INPP4B: variants seen among roughly 807,000 people sequenced by gnomAD.
The protein encoded by INPP4B is inositol polyphosphate 4-phosphatase type II.
In INPP4B, 55 loss-of-function variants were observed where a neutral mutation model predicts 122.5. The ratio of observed to expected loss-of-function variants is 0.45; its 90% CI spans 0.36 to 0.56. The LOEUF is 0.56. Among genes scored for constraint, INPP4B ranks in the 20% least tolerant of loss-of-function variants. INPP4B has a pLI of 0.00. For missense variants in INPP4B, 1,000 were observed against 1,097.7 expected, an observed-to-expected ratio of 0.91 and a Z score of 1.26; for synonymous variants, 403 against 388.7, an observed-to-expected ratio of 1.04 and a Z score of -0.43.
intron 2 of INPP4B, among the ~76,000 whole-genome samples, chr4:142,589,333 GA>G (rs1398931464): frequency 1.3e-5 from 2 of 151,966 alleles, no homozygotes; most frequent in Admixed American, 6.6e-5. Flanking sequence ...CTCTGCAAAA[GA>G]CACTATTAAG....
chr4:142,767,622 A>C (rs1772351836), intron 1 of INPP4B: 1 of 152,146 alleles, frequency 6.6e-6, no homozygotes. Context: ...ATAGAACATG[A>C]CAAGATCTTG....
At chr4:142,044,934 C>T (rs1268252300) in intron 25 of INPP4B, among the ~76,000 whole-genome samples, 4 of 152,056 alleles carry the variant, frequency 2.6e-5, no homozygotes, top group Admixed American at 6.6e-5. Flanking sequence ...ATGCAGGGAA[C>T]GTAGGAAAGT....
At chr4:142,052,519 G>A (rs959825535) in intron 25 of INPP4B, among the ~76,000 whole-genome samples, 11 of 151,978 alleles carry the variant, frequency 7.2e-5, no homozygotes, top group African/African-American at 2.4e-5. Flanking sequence ...CAGACATAAA[G>A]CATTTCCAAC....
chr4:142,719,735 A>C (rs559798060), intron 2 of INPP4B, among the ~76,000 whole-genome samples: 3 of 152,190 alleles, frequency 2.0e-5, no homozygotes, highest in Non-Finnish European at 2.9e-5. Flanking sequence ...TCTTATTTCT[A>C]GATGATGTTG....
rs796843742 is a variant in INPP4B at position 142,702,671 on chromosome 4, G to A, written c.-191+23168C>T. ...CTTGAACCTGGGAGGCGGAGGTTGC[G>A]GTGAGCCGAGATCACGCCATTGCAC... On this transcript the variant is annotated intron_variant, in intron 2 of 25. Coordinates refer to ENST00000262992, the MANE Select transcript of INPP4B (RefSeq NM_001101669.3). Among the ~76,000 whole-genome samples the A allele has an allele frequency of 8.8e-5, 13 of 148,256 alleles. No individual in the cohort carries two copies. The South Asian group carries it at 1.1e-3, about 12-fold the overall frequency.
At chr4:142,543,752 A>G (rs1560779483) in intron 2 of INPP4B, among the ~76,000 whole-genome samples, 1 of 152,156 alleles carries the variant, frequency 6.6e-6, no homozygotes, top group East Asian at 1.9e-4. Context: ...CAGAATATAT[A>G]TTGTATATAG....
chr4:142,519,400 C>T (rs1001402448), intron 2 of INPP4B, among the ~76,000 whole-genome samples: 1 of 152,202 alleles, frequency 6.6e-6, no homozygotes, highest in Non-Finnish European at 1.5e-5. Context: ...CATAAGCAGA[C>T]TACTGCTGAT....
At chr4:142,029,060 A>C in intron 25 of INPP4B, 146 bp from the exon 26 acceptor site, 2 of 1,402,798 alleles carry the variant, frequency 1.4e-6, no homozygotes, top group East Asian at 5.2e-5. Flanking sequence ...GTGATGATAC[A>C]TCTTACAAAA....
intron 1 of INPP4B, among the ~76,000 whole-genome samples, chr4:142,730,460 A>G (rs1194190983): frequency 2.6e-5 from 4 of 152,168 alleles, no homozygotes; most frequent in African/African-American, 9.7e-5. Flanking sequence ...TGGAGTGTCT[A>G]ACAGCTGCCA....
At chr4:142,669,477 T>A (rs79633289) in intron 2 of INPP4B, among the ~76,000 whole-genome samples, 1 of 151,880 alleles carries the variant, frequency 6.6e-6, no homozygotes, top group Non-Finnish European at 1.5e-5. Context: ...CAGAGACCAA[T>A]GAAGCAGAAA....
At chr4:142,305,371 A>C (rs1762955906) in intron 9 of INPP4B, 87 bp downstream of exon 9, 4 of 996,248 alleles carry the variant, frequency 4.0e-6, no homozygotes, top group Non-Finnish European at 6.2e-6. Flanking sequence ...AACATCTGCA[A>C]GAATTGTGAC....
In INPP4B at chr4:142,559,344, G is replaced by A. The variant is rs202144327; in HGVS notation, c.-190-96618C>T. Among the ~76,000 whole-genome samples the A allele has an allele frequency of 2.6e-5, 4 of 152,114 alleles. No individual in the cohort carries two copies. The South Asian group carries it at 8.3e-4, about 32-fold the overall frequency. ...ATGCTTTTGTTTATCTTTGTGGCTT[G>A]AGAATTATTCAAATTTAATTCTTAA... On this transcript the variant is annotated intron_variant, in intron 2 of 25. Transcript: ENST00000262992.
chr4:142,300,715 GTTT>G (rs1216509394), intron 9 of INPP4B, among the ~76,000 whole-genome samples: 1 of 151,942 alleles, frequency 6.6e-6, no homozygotes, highest in East Asian at 1.9e-4. Context: ...TAAGTTAAAT[GTTT>G]TTCTTTCATA....
chr4:142,803,551 A>G (rs994033922), intron 1 of INPP4B, among the ~76,000 whole-genome samples: 3 of 151,924 alleles, frequency 2.0e-5, no homozygotes, highest in African/African-American at 7.2e-5. Context: ...TACTACAGAG[A>G]TAGAACCCTA....
chr4:142,479,998 G>A (rs1317628786), intron 2 of INPP4B, among the ~76,000 whole-genome samples: 4 of 152,076 alleles, frequency 2.6e-5, no homozygotes, highest in African/African-American at 7.2e-5. Flanking sequence ...TAATGTACAG[G>A]GAAAGTATTA....
intron 7 of INPP4B, among the ~76,000 whole-genome samples, chr4:142,363,875 A>AG (rs970955270): frequency 1.3e-4 from 20 of 152,006 alleles, no homozygotes; most frequent in Non-Finnish European, 2.8e-4. Flanking sequence ...GGATGATCTG[A>AG]GTGGAGAAAG....
At chr4:142,094,466 C>G (rs1189095896) in intron 23 of INPP4B, among the ~76,000 whole-genome samples, 1 of 152,172 alleles carries the variant, frequency 6.6e-6, no homozygotes, top group African/African-American at 2.4e-5. Context: ...GTCTGAAAAA[C>G]AGACTAAGAA....
In INPP4B at chr4:142,714,705, G is replaced by A. The variant is rs147171935; in HGVS notation, c.-191+11134C>T. On this transcript the variant is annotated intron_variant, in intron 2 of 25. Coordinates refer to ENST00000262992, the MANE Select transcript of INPP4B (RefSeq NM_001101669.3). ...CCCAGGGAGAATAAAGGCCCTTTTT[G>A]CCTTGAAGTTACTCTTTTTCTCTTT... is the stretch of plus-strand genomic sequence containing the variant. Among the ~76,000 whole-genome samples, 1,074 of 152,032 alleles carry A rather than the reference G, an allele frequency of 7.1e-3. 19 individuals carry two copies. Among genetic ancestry groups the A allele is most frequent in the African/African-American group, 0.024 (1,010 of 41,508 alleles).
intron 2 of INPP4B, among the ~76,000 whole-genome samples, chr4:142,626,152 G>C (rs1746336839): frequency 6.6e-6 from 1 of 152,112 alleles, no homozygotes; most frequent in Non-Finnish European, 1.5e-5. Flanking sequence ...TTAAACTAAA[G>C]AGCTTCTGCA....
Sources: allele counts gnomAD v4.1 joint callset (sites outside exome capture counted in the v4.1 genomes callset), GRCh38; gene constraint gnomAD v4.1.1; transcripts MANE v1.5; gene names NCBI Gene and HGNC (gene_info 2026-07-23, HGNC 2026-07-21).